Variants in NKAIN3 observed in about 807,000 individuals in gnomAD.
NKAIN3 encodes sodium/potassium-transporting ATPase subunit beta-1-interacting protein 3.
In NKAIN3, 25 loss-of-function variants were observed where a neutral mutation model predicts 30.2. The observed-to-expected ratio is 0.83, with a 90% CI of 0.60 to 1.16. The LOEUF is 1.16. Among genes scored for constraint, NKAIN3 ranks in the 50% most tolerant of loss-of-function variants. The probability of loss-of-function intolerance (pLI) is 0.00; values close to 1 mark genes in which losing one functional copy is unlikely to be tolerated. For synonymous variants in NKAIN3, 91 were observed against 89.6 expected (o/e 1.02, Z -0.09); for missense variants, 225 against 254.1 (o/e 0.89, Z 0.78).
chr8:62,659,341 C>A (rs1250680921), intron 3 of NKAIN3, among the ~76,000 whole-genome samples: 1 of 123,090 alleles, frequency 8.1e-6, no homozygotes, highest in African/African-American at 3.2e-5. Flanking sequence ...GGGTTTAGAA[C>A]CTCACTCTGG....
chr8:62,821,285 T>C (rs1047294476), intron 4 of NKAIN3, among the ~76,000 whole-genome samples: 16 of 152,212 alleles, frequency 1.1e-4, no homozygotes, highest in Admixed American at 2.6e-4. Flanking sequence ...GGTTTTATTT[T>C]ATCCTTTGCT....
chr8:62,986,454 C>A (rs555590587), downstream of NKAIN3, among the ~76,000 whole-genome samples: 1 of 152,292 alleles, frequency 6.6e-6, no homozygotes, highest in African/African-American at 2.4e-5. Context: ...CCTCAATAAA[C>A]TCTGTGTCTC....
chr8:62,861,662 T>C (rs554824595), intron 4 of NKAIN3, among the ~76,000 whole-genome samples: 1 of 152,352 alleles, frequency 6.6e-6, no homozygotes, highest in East Asian at 1.9e-4. Flanking sequence ...GCCTGAGCTA[T>C]TGATCTTCTG....
At chr8:62,328,000 TA>T (rs1181400269) in intron 1 of NKAIN3, among the ~76,000 whole-genome samples, 3 of 152,122 alleles carry the variant, frequency 2.0e-5, no homozygotes, top group Admixed American at 2.0e-4. Context: ...TTTAAAAATG[TA>T]ACTATTTTAA....
At chr8:62,994,026 A>G (rs534446810) in intron 5 of NKAIN3, among the ~76,000 whole-genome samples, 1 of 152,194 alleles carries the variant, frequency 6.6e-6, no homozygotes, top group Non-Finnish European at 1.5e-5. Flanking sequence ...TACTTTGGGA[A>G]GACTTTAAAT....
At chr8:62,422,547 C>G (rs1354296566) in intron 1 of NKAIN3, among the ~76,000 whole-genome samples, 3 of 152,108 alleles carry the variant, frequency 2.0e-5, no homozygotes, top group African/African-American at 7.2e-5. Flanking sequence ...TAGAAGATCG[C>G]AAATGGCAGA....
chr8:62,383,567 T>C (rs73684982), intron 1 of NKAIN3: 6,383 of 454,924 alleles, frequency 0.014, 380 homozygotes, highest in African/African-American at 0.12. Flanking sequence ...CTGCTGCCTT[T>C]TGGTTTGAAG....
At chr8:62,709,816 C>T (rs555636067) in intron 3 of NKAIN3, among the ~76,000 whole-genome samples, 23 of 151,844 alleles carry the variant, frequency 1.5e-4, no homozygotes, top group South Asian at 4.2e-4. Context: ...GACCTTGGAA[C>T]GTTAGTTTTT....
chr8:62,678,047 C>G (rs192401691), intron 3 of NKAIN3, among the ~76,000 whole-genome samples: 16 of 152,276 alleles, frequency 1.1e-4, no homozygotes, highest in Admixed American at 1.0e-3. Flanking sequence ...AGTGTCTACC[C>G]TAGACTAGGT....
At chr8:62,463,269 CT>C (rs1482033968) in intron 1 of NKAIN3, among the ~76,000 whole-genome samples, 1 of 152,156 alleles carries the variant, frequency 6.6e-6, no homozygotes, top group Non-Finnish European at 1.5e-5. Context: ...AATTTTGAAT[CT>C]ATCTTAGGCA....
chr8:62,924,348 T>A (rs185849554), intron 5 of NKAIN3, among the ~76,000 whole-genome samples: 4 of 152,368 alleles, frequency 2.6e-5, no homozygotes, highest in Admixed American at 6.5e-5. Context: ...CTGTGCTTTT[T>A]CCTTGGCAAC....
chr8:62,519,485 C>T (rs1305163326), intron 1 of NKAIN3, among the ~76,000 whole-genome samples: 2 of 152,218 alleles, frequency 1.3e-5, no homozygotes, highest in East Asian at 3.9e-4. Flanking sequence ...CCTACAATCA[C>T]AGGGATTACA....
chr8:62,628,056 A>G (rs541094016), intron 3 of NKAIN3, among the ~76,000 whole-genome samples: 1 of 152,196 alleles, frequency 6.6e-6, no homozygotes, highest in African/African-American at 2.4e-5. Flanking sequence ...CGGAAGCACT[A>G]TGGGAGATCT....
At chr8:62,793,292 T>A (rs1026504216) in intron 4 of NKAIN3, among the ~76,000 whole-genome samples, 1 of 152,072 alleles carries the variant, frequency 6.6e-6, no homozygotes, top group Non-Finnish European at 1.5e-5. Flanking sequence ...CTTGCTGGTT[T>A]TTTTGTAAAT....
At position 62,980,382 on chromosome 8, in the gene NKAIN3, T is replaced by C. The variant is rs917117356; in HGVS notation, c.*14975T>C. On this transcript the variant is annotated 3_prime_UTR_variant, in exon 7 of 7. Coordinates refer to ENST00000623646, the MANE Select transcript of NKAIN3 (RefSeq NM_001304533.3). ...TCAAATAGCAGGCATGCAATGTAGT[T>C]TTATAAGATAATATACTAGGACCAT... 1 of 152,230 alleles carries C rather than the reference T, an allele frequency of 6.6e-6. No homozygotes were observed. The highest frequency in any genetic ancestry group is 1.5e-5 in the Non-Finnish European group (1 of 68,050). The allele number at this position is 152,230 out of a possible 1,614,324, so 9.4% of individuals were successfully genotyped here. A position where few individuals can be genotyped will look rare whatever the true frequency, so the allele number is the denominator to read the frequency against.
At chr8:62,856,096 GT>G (rs1418144024) in intron 4 of NKAIN3, 1 of 709,276 alleles carries the variant, frequency 1.4e-6, no homozygotes, top group East Asian at 2.5e-5. Flanking sequence ...TCATCAAACT[GT>G]TTTAACTCTT....
At chr8:62,516,557 T>G (rs941261086) in intron 1 of NKAIN3, among the ~76,000 whole-genome samples, 1 of 152,152 alleles carries the variant, frequency 6.6e-6, no homozygotes, top group African/African-American at 2.4e-5. Context: ...TTGTTTGGTA[T>G]TGTATCAAAT....
At chr8:62,729,273 T>C (rs1181535558) in intron 3 of NKAIN3, among the ~76,000 whole-genome samples, 3 of 152,028 alleles carry the variant, frequency 2.0e-5, no homozygotes, top group East Asian at 3.9e-4. Flanking sequence ...GATAATATGC[T>C]CCACGTAACA....
intron 5 of NKAIN3, among the ~76,000 whole-genome samples, chr8:62,943,168 G>T (rs1336579222): frequency 6.6e-6 from 1 of 151,896 alleles, no homozygotes; most frequent in Non-Finnish European, 1.5e-5. Context: ...ATATCTACAA[G>T]AAACTCAAAC....
Sources: gnomAD v4.1 joint callset for allele counts (sites outside exome capture counted in the v4.1 genomes callset) on GRCh38, gnomAD v4.1.1 for gene constraint, MANE v1.5 for transcripts, NCBI Gene and HGNC (gene_info 2026-07-23, HGNC 2026-07-21) for gene names.